SCFD2: variants seen among roughly 807,000 people sequenced by gnomAD.
SCFD2 encodes the protein sec1 family domain-containing protein 2.
In SCFD2, 54 loss-of-function variants were observed where a neutral mutation model predicts 58.9. The observed-to-expected ratio is 0.92, with a 90% CI of 0.74 to 1.15. SCFD2 has a LOEUF of 1.15. Among genes scored for constraint, SCFD2 ranks in the 50% most tolerant of loss-of-function variants. The probability of loss-of-function intolerance (pLI) is 0.00; values close to 1 mark genes in which losing one functional copy is unlikely to be tolerated. For synonymous variants in SCFD2, 321 were observed against 335.9 expected, an observed-to-expected ratio of 0.96 and a Z score of 0.49; for missense variants, 805 against 836.6, an observed-to-expected ratio of 0.96 and a Z score of 0.47.
At chr4:53,179,996 T>C (rs1727489182) in intron 4 of SCFD2, among the ~76,000 whole-genome samples, 1 of 152,168 alleles carries the variant, frequency 6.6e-6, no homozygotes, top group African/African-American at 2.4e-5. Flanking sequence ...TCCAGATTCA[T>C]AAAGCGAGTC....
intron 5 of SCFD2, among the ~76,000 whole-genome samples, chr4:53,005,029 C>T (rs1721942754): frequency 6.6e-6 from 1 of 152,300 alleles, no homozygotes; most frequent in East Asian, 1.9e-4. Flanking sequence ...TCCCCAGTAG[C>T]TGGGACTACA....
At chr4:52,881,542 C>T (rs911639043) in intron 8 of SCFD2, among the ~76,000 whole-genome samples, 4 of 152,316 alleles carry the variant, frequency 2.6e-5, no homozygotes, top group Non-Finnish European at 5.9e-5. Flanking sequence ...TGGCACAGAG[C>T]AGATCATGTT....
At chr4:53,123,539 G>GGGGGGGGGGGGC (rs1560345946) in intron 5 of SCFD2, among the ~76,000 whole-genome samples, 1 of 132,692 alleles carries the variant, frequency 7.5e-6, no homozygotes, top group Non-Finnish European at 1.6e-5. Context: ...GGGTGGGGGG[G>GGGGGGGGGGGGC]GGGCACTGAC....
rs144814253 is a variant in SCFD2 at position 52,980,642 on chromosome 4, C to T, written c.1562-59772G>A. ...CCAGCTTTGTCTCTGGCCACAGACACTTTTGTATTTCAGTTGTTTCCCCAA... is the reference window on the plus strand; with the variant it reads ...CCAGCTTTGTCTCTGGCCACAGACATTTTTGTATTTCAGTTGTTTCCCCAA... On this transcript the variant is annotated intron_variant, in intron 5 of 8. Transcript: ENST00000401642. 6.1e-4 allele frequency among the ~76,000 whole-genome samples: 93 copies of T among 152,286 alleles called. 1 individual carries two copies. The highest frequency in any genetic ancestry group is 2.2e-3 in the African/African-American group (93 of 41,564).
At chr4:52,930,103 T>C (rs1719954521) in intron 5 of SCFD2, among the ~76,000 whole-genome samples, 1 of 152,118 alleles carries the variant, frequency 6.6e-6, no homozygotes, top group Admixed American at 6.5e-5. Context: ...GACTTCAAAC[T>C]ATACTACAAG....
At chr4:53,095,272 C>T (rs879321941) in intron 5 of SCFD2, among the ~76,000 whole-genome samples, 3 of 152,220 alleles carry the variant, frequency 2.0e-5, no homozygotes, top group African/African-American at 4.8e-5. Flanking sequence ...CCTTAAAAAC[C>T]GGCTCACACA....
chr4:52,974,345 C>G (rs1721194364), intron 5 of SCFD2, among the ~76,000 whole-genome samples: 1 of 152,072 alleles, frequency 6.6e-6, no homozygotes, highest in African/African-American at 2.4e-5. Flanking sequence ...AATCAATGTG[C>G]AAAAATCACA....
chr4:53,215,220 T>C (rs1480818696), intron 4 of SCFD2, among the ~76,000 whole-genome samples: 2 of 152,136 alleles, frequency 1.3e-5, no homozygotes, highest in African/African-American at 4.8e-5. Context: ...GGGGATGGCA[T>C]TGAATCTATA....
chr4:53,353,443 G>T (rs1254661059), intron 1 of SCFD2, among the ~76,000 whole-genome samples: 1 of 152,180 alleles, frequency 6.6e-6, no homozygotes, highest in African/African-American at 2.4e-5. Context: ...CCAACAGTGT[G>T]GTAAGGGACC....
At chr4:53,097,873 A>G (rs541696674) in intron 5 of SCFD2, among the ~76,000 whole-genome samples, 5 of 152,260 alleles carry the variant, frequency 3.3e-5, no homozygotes, top group Admixed American at 1.3e-4. Context: ...AGCTCTTATT[A>G]TTTTGAGATA....
At chr4:53,031,578 G>C (rs1722615926) in intron 5 of SCFD2, among the ~76,000 whole-genome samples, 1 of 152,218 alleles carries the variant, frequency 6.6e-6, no homozygotes, top group Admixed American at 6.5e-5. Flanking sequence ...AACCAGTTTA[G>C]AGAAGAACAT....
intron 5 of SCFD2, among the ~76,000 whole-genome samples, chr4:52,972,313 T>G (rs1422028008): frequency 6.6e-6 from 1 of 151,930 alleles, no homozygotes; most frequent in Non-Finnish European, 1.5e-5. Context: ...AATAAAGGGA[T>G]GGAGGAAGAT....
At chr4:53,256,323 G>A (rs576562551) in intron 4 of SCFD2, among the ~76,000 whole-genome samples, 5 of 150,046 alleles carry the variant, frequency 3.3e-5, no homozygotes, top group South Asian at 2.2e-4. Context: ...CATCTCAGAC[G>A]ATGGGCAGCC....
intron 5 of SCFD2, among the ~76,000 whole-genome samples, chr4:53,083,015 G>C (rs186975241): frequency 1.3e-5 from 2 of 151,694 alleles, no homozygotes; most frequent in East Asian, 3.9e-4. Context: ...ATATCCTATT[G>C]GTTCTATTTC....
intron 5 of SCFD2, among the ~76,000 whole-genome samples, chr4:52,992,814 G>T (rs1274130596): frequency 6.6e-6 from 1 of 151,626 alleles, no homozygotes; most frequent in South Asian, 2.1e-4. Context: ...CCGGGAGGGA[G>T]GTGGGGGATG....
At position 53,248,075 on chromosome 4, in the gene SCFD2, C is replaced by T. The variant is rs188670889; in HGVS notation, c.1311+25751G>A. Among the ~76,000 whole-genome samples, 1,116 of 152,210 alleles carry T rather than the reference C, an allele frequency of 7.3e-3. 5 individuals are homozygous for T. Among genetic ancestry groups the T allele is most frequent in the Middle Eastern group, 0.041 (12 of 294 alleles). On this transcript the variant is annotated intron_variant, in intron 4 of 8. Coordinates refer to ENST00000401642, the MANE Select transcript of SCFD2 (RefSeq NM_152540.4). Reference sequence around the variant, plus strand: ...AGGTCAGTGGGTGCAGCGCACCATGCGCCACCCGAAGCAGGGCGAGGCATT... The same window carrying T: ...AGGTCAGTGGGTGCAGCGCACCATGTGCCACCCGAAGCAGGGCGAGGCATT...
At chr4:53,276,512 T>C (rs758202002) in intron 3 of SCFD2, among the ~76,000 whole-genome samples, 8 of 152,138 alleles carry the variant, frequency 5.3e-5, no homozygotes, top group Admixed American at 2.6e-4. Flanking sequence ...GTTTGTTATA[T>C]AGGTAAACTC....
intron 7 of SCFD2, among the ~76,000 whole-genome samples, chr4:52,888,530 C>T (rs145107670): frequency 6.6e-4 from 101 of 152,304 alleles, no homozygotes; most frequent in African/African-American, 2.0e-3. Flanking sequence ...TTGCTCTCAT[C>T]GGAGTCACCA....
chr4:52,923,047 G>A (rs781209045), intron 5 of SCFD2, among the ~76,000 whole-genome samples: 10 of 152,330 alleles, frequency 6.6e-5, no homozygotes, highest in East Asian at 1.9e-4. Context: ...CAGACACAGC[G>A]AGGTGGCATG....
Sources: gnomAD v4.1 joint callset for allele counts (sites outside exome capture counted in the v4.1 genomes callset) on GRCh38, gnomAD v4.1.1 for gene constraint, MANE v1.5 for transcripts, NCBI Gene and HGNC (gene_info 2026-07-23, HGNC 2026-07-21) for gene names.